DEUP1: variants seen among roughly 807,000 people sequenced by gnomAD.
The protein encoded by DEUP1 is deuterosome assembly protein 1, also known as coiled-coil domain containing 67.
A neutral mutation model predicts 87.4 loss-of-function variants in DEUP1; 82 were observed. That is an observed-to-expected ratio of 0.94 (90% CI 0.78 to 1.13). The LOEUF is 1.13. DEUP1 is among the 50% of genes most tolerant of loss of function. The probability of loss-of-function intolerance (pLI) is 0.00; values close to 1 mark genes in which losing one functional copy is unlikely to be tolerated. For missense variants in DEUP1, 663 were observed against 681.5 expected (o/e 0.97, Z 0.30); for synonymous variants, 214 against 222.7 (o/e 0.96, Z 0.35).
At chr11:93,420,497 T>C (rs1443201921) in intron 13 of DEUP1, among the ~76,000 whole-genome samples, 2 of 150,128 alleles carry the variant, frequency 1.3e-5, no homozygotes, top group African/African-American at 2.4e-5. Context: ...CTTTGAAAAC[T>C]GGCACAAGAC....
At chr11:93,340,404 G>A (rs1355533452) in intron 2 of DEUP1, among the ~76,000 whole-genome samples, 2 of 152,204 alleles carry the variant, frequency 1.3e-5, no homozygotes, top group Non-Finnish European at 2.9e-5. Flanking sequence ...AAGCAAGGGG[G>A]AAAGTGGTAG....
intron 13 of DEUP1, among the ~76,000 whole-genome samples, chr11:93,434,674 C>T (rs569254434): frequency 6.6e-6 from 1 of 152,246 alleles, no homozygotes; most frequent in East Asian, 1.9e-4. Context: ...CCTCTAAGAG[C>T]CAGGACCTGT....
intron 11 of DEUP1, among the ~76,000 whole-genome samples, chr11:93,407,581 CTG>C (rs1396574585): frequency 3.3e-5 from 5 of 151,936 alleles, no homozygotes; most frequent in South Asian, 2.1e-4. Flanking sequence ...ATAAATATAA[CTG>C]TTAATAGCAG....
Position 93,394,231 on chromosome 11 carries a change from AT to A in DEUP1, c.1042-227del, listed in dbSNP as rs140899477. Among the ~76,000 whole-genome samples, 309 of 152,328 alleles carry A rather than the reference AT, an allele frequency of 2.0e-3. 1 individual carries two copies. The highest frequency in any genetic ancestry group is 7.1e-3 in the African/African-American group (297 of 41,572). ...GTATCAGTCATAGGTGATGATTTGC[AT>A]ACAACAGAAAATAGAAGTGAGAAAT... is the stretch of plus-strand genomic sequence containing the variant. On this transcript the variant is annotated intron_variant, in intron 9 of 13. Transcript: ENST00000298050.
At chr11:93,437,485 G>A in intron 13 of DEUP1, 58 bp from the exon 14 acceptor site, 2 of 1,347,112 alleles carry the variant, frequency 1.5e-6, no homozygotes, top group East Asian at 2.3e-5. Flanking sequence ...GCCTGGAAAT[G>A]GGAAGATTTT....
intron 7 of DEUP1, among the ~76,000 whole-genome samples, chr11:93,383,900 A>G (rs1164938715): frequency 2.6e-5 from 4 of 152,176 alleles, no homozygotes; most frequent in Non-Finnish European, 5.9e-5. Flanking sequence ...TTCCTCTTCC[A>G]AAATCTGGTA....
chr11:93,377,646 T>C (rs1288971889), intron 7 of DEUP1, among the ~76,000 whole-genome samples: 2 of 152,218 alleles, frequency 1.3e-5, no homozygotes, highest in African/African-American at 4.8e-5. Flanking sequence ...GGTACTATTA[T>C]ATTCATCATG....
At chr11:93,358,226 G>T (rs2925356) in intron 4 of DEUP1, among the ~76,000 whole-genome samples, 151,194 of 152,304 alleles carry the variant, frequency 0.99, 75,052 homozygotes, top group East Asian at 1. Context: ...TGTTTTCATC[G>T]TGTTAAAAAG....
At chr11:93,347,881 A>C (rs1944435268) in intron 2 of DEUP1, among the ~76,000 whole-genome samples, 1 of 152,098 alleles carries the variant, frequency 6.6e-6, no homozygotes, top group Non-Finnish European at 1.5e-5. Context: ...CTGGGACTAC[A>C]GGCGCGTGCC....
chr11:93,373,585 ATATATATACGTATATATATTTATATATG>A (rs1945849114), intron 7 of DEUP1, among the ~76,000 whole-genome samples: 4 of 142,518 alleles, frequency 2.8e-5, no homozygotes, highest in African/African-American at 1.0e-4. Flanking sequence ...ATATATACAT[ATATATATACGTATATATATTTATATATG>A]TATATATATA....
chr11:93,415,629 G>C (rs1432151852), intron 13 of DEUP1, among the ~76,000 whole-genome samples: 2 of 151,746 alleles, frequency 1.3e-5, no homozygotes, highest in African/African-American at 2.4e-5. Context: ...TTCCCTTCCA[G>C]TCTCTACTTC....
intron 13 of DEUP1, among the ~76,000 whole-genome samples, chr11:93,434,627 G>T (rs1033296284): frequency 1.3e-5 from 2 of 152,162 alleles, no homozygotes; most frequent in Admixed American, 6.5e-5. Context: ...TCTAAGTTTG[G>T]TGGGACTCTT....
Position 93,385,466 on chromosome 11 carries a change from A to G in DEUP1, c.858A>G (p.Ile286Met). 2 of 1,612,406 alleles carry G rather than the reference A, an allele frequency of 1.2e-6. No individual in the cohort carries two copies. The highest frequency in any genetic ancestry group is 8.5e-7 in the Non-Finnish European group (1 of 1,178,940). ...LQSRDDLLRI[I>M]EMERLQLHRE... ...CACGTGATGATCTCTTGAGAATTAT[A>G]GAAATGGAACGATTGCAATTACACA... Residue 286 changes from isoleucine to methionine, a missense_variant, in exon 8 of 14, where the codon ATA (isoleucine) becomes ATG (methionine). Ile to Met is a conservative substitution (Grantham distance 10, BLOSUM62 1). Coordinates refer to ENST00000298050, the MANE Select transcript of DEUP1 (RefSeq NM_181645.4).
chr11:93,355,568 T>C (rs778942261), intron 3 of DEUP1, 26 bp downstream of exon 3: 2 of 1,584,208 alleles, frequency 1.3e-6, no homozygotes, highest in Admixed American at 3.7e-5. Flanking sequence ...GTTAACAAAT[T>C]GCTAATTCAT....
chr11:93,358,387 T>C (rs1224987314), intron 4 of DEUP1, among the ~76,000 whole-genome samples: 1 of 152,184 alleles, frequency 6.6e-6, no homozygotes, highest in East Asian at 1.9e-4. Context: ...AAAAATTTGT[T>C]CTGTGGAAAA....
At position 93,438,265 on chromosome 11, in the gene DEUP1, T is replaced by C. The variant is rs1267838146; in HGVS notation, c.*546T>C. ...ATTGTTTTTACATTCACCTTTATAATGTCTGTCTGTTTCAACACAATGAAG... is the reference window on the plus strand; with the variant it reads ...ATTGTTTTTACATTCACCTTTATAACGTCTGTCTGTTTCAACACAATGAAG... On this transcript the variant is annotated 3_prime_UTR_variant, in exon 14 of 14. Transcript: ENST00000298050. 2.6e-5 allele frequency: 4 copies of C among 152,418 alleles called. No individual in the cohort carries two copies. The East Asian group carries it at 7.7e-4, about 29-fold the overall frequency. 9.4% of individuals were successfully genotyped at this position (152,418 alleles called of 1,614,324 possible).
chr11:93,355,362 A>G lies in DEUP1; in HGVS notation c.30-9A>G, dbSNP rs758725297. The G allele has an allele frequency of 6.2e-7, 1 of 1,610,782 alleles. No homozygotes were observed. The highest frequency in any genetic ancestry group is 8.5e-7 in the Non-Finnish European group (1 of 1,179,014). On this transcript the variant is annotated splice_polypyrimidine_tract_variant and intron_variant, in intron 2 of 13. Transcript: ENST00000298050. ...TTTAAAATGTATTTTACTTTCCTAC[A>G]ATTGCCAGAACTTCTCCTTGTGAGG...
Position 93,438,446 on chromosome 11 carries a change from T to C in DEUP1, c.*727T>C, listed in dbSNP as rs889232366. ...CCTTTGTAATCACTTCTGTTTTTAA[T>C]ACAATAAAGGAATGTAAAATTCAAT... On this transcript the variant is annotated 3_prime_UTR_variant, in exon 14 of 14. Transcript: ENST00000298050. The C allele has an allele frequency of 2.6e-5, 4 of 152,180 alleles. No individual in the cohort carries two copies. Among genetic ancestry groups the C allele is most frequent in the Admixed American group, 1.3e-4 (2 of 15,268 alleles). The allele number at this position is 152,180 out of a possible 1,614,324, so 9.4% of individuals were successfully genotyped here. A position where few individuals can be genotyped will look rare whatever the true frequency, so the allele number is the denominator to read the frequency against.
At chr11:93,383,557 T>G (rs2134315885) in intron 7 of DEUP1, 1 of 660,540 alleles carries the variant, frequency 1.5e-6, no homozygotes, top group East Asian at 2.8e-5. Flanking sequence ...ATGTTCAACT[T>G]TGTGACTAAA....
Sources: allele counts gnomAD v4.1 joint callset (sites outside exome capture counted in the v4.1 genomes callset), GRCh38; gene constraint gnomAD v4.1.1; transcripts MANE v1.5; gene names NCBI Gene and HGNC (gene_info 2026-07-23, HGNC 2026-07-21).